Variants in CLNK observed in about 807,000 individuals in gnomAD.
CLNK encodes the protein cytokine-dependent hematopoietic cell linker.
Under a neutral mutation model 68.6 loss-of-function variants are expected in CLNK, and 74 were observed. The ratio of observed to expected loss-of-function variants is 1.08; its 90% CI spans 0.89 to 1.31. The LOEUF is 1.31. Ranked by LOEUF, CLNK falls within the 50% of genes most tolerant of loss-of-function variation. The probability of loss-of-function intolerance (pLI) is 0.00; values close to 1 mark genes in which losing one functional copy is unlikely to be tolerated. For missense variants in CLNK, 553 were observed against 515.3 expected (o/e 1.07, Z -0.71); for synonymous variants, 198 against 172.2 (o/e 1.15, Z -1.17).
chr4:10,625,992 G>A (rs757471483), intron 2 of CLNK, among the ~76,000 whole-genome samples: 27 of 152,210 alleles, frequency 1.8e-4, no homozygotes, highest in Non-Finnish European at 8.8e-5. Context: ...AGAAACATTC[G>A]TGTGTGGAAA....
At chr4:10,499,260 G>A (rs1477381444) in intron 18 of CLNK, among the ~76,000 whole-genome samples, 2 of 152,302 alleles carry the variant, frequency 1.3e-5, no homozygotes, top group East Asian at 1.9e-4. Flanking sequence ...CAGGACTTGT[G>A]TCAGGAATAA....
intron 10 of CLNK, 66 bp from the exon 11 acceptor site, chr4:10,540,670 A>G: frequency 9.3e-7 from 1 of 1,080,764 alleles, no homozygotes. Flanking sequence ...CAGGCCCTGA[A>G]TCCACACTGC....
chr4:10,616,000 C>G (rs1457246317), intron 2 of CLNK, among the ~76,000 whole-genome samples: 1 of 152,126 alleles, frequency 6.6e-6, no homozygotes, highest in African/African-American at 2.4e-5. Context: ...GAATTTTGCA[C>G]GCCAGTTGTT....
rs576808240 is a variant in CLNK, at chr4:10,569,219, A to G, written c.150+2522T>C. On this transcript the variant is annotated intron_variant, in intron 5 of 18. Coordinates refer to ENST00000226951, the MANE Select transcript of CLNK (RefSeq NM_052964.4). ...TTTTTTTTTTTTTGGTCATTTTTCC[A>G]TTCCTGAAATGGAGCCAGGAGACCA... is the stretch of plus-strand genomic sequence containing the variant. 2.7e-5 allele frequency among the ~76,000 whole-genome samples: 3 copies of G among 109,908 alleles called. No individual in the cohort carries two copies. In the South Asian group the frequency reaches 7.9e-4, roughly 29 times the overall value. The allele number at this position is 109,908 out of a possible 152,430, so 72.1% of individuals were successfully genotyped here. A position where few individuals can be genotyped will look rare whatever the true frequency, so the allele number is the denominator to read the frequency against.
At chr4:10,706,897 G>A in the CLNK span, among the ~76,000 whole-genome samples, 1 of 152,126 alleles carries the variant, frequency 6.6e-6, no homozygotes. Context: ...TGGCCGTGAT[G>A]GGAAGGGAAG....
At chr4:10,626,317 G>C (rs1348201880) in intron 2 of CLNK, among the ~76,000 whole-genome samples, 1 of 152,092 alleles carries the variant, frequency 6.6e-6, no homozygotes, top group Admixed American at 6.5e-5. Flanking sequence ...TCCCCTTTTT[G>C]TTTCTCATTC....
At chr4:10,588,757 A>C (rs77484369) in intron 3 of CLNK, among the ~76,000 whole-genome samples, 5,825 of 152,272 alleles carry the variant, frequency 0.038, 189 homozygotes, top group Non-Finnish European at 0.062. Flanking sequence ...TACTACTTTT[A>C]TGATACATCT....
intron 2 of CLNK, among the ~76,000 whole-genome samples, chr4:10,620,882 C>T (rs1030300267): frequency 1.5e-4 from 22 of 150,716 alleles, no homozygotes; most frequent in Non-Finnish European, 4.4e-5. Context: ...GCAGGCAGAT[C>T]ACAAGGTCAG....
intron 1 of CLNK, among the ~76,000 whole-genome samples, chr4:10,680,373 G>A (rs1421869870): frequency 7.7e-6 from 1 of 130,072 alleles, no homozygotes; most frequent in African/African-American, 2.8e-5. Flanking sequence ...GTGGTGGGTT[G>A]GGGGGAGGGG....
At chr4:10,589,472 A>T (rs1444949853) in intron 3 of CLNK, among the ~76,000 whole-genome samples, 1 of 152,140 alleles carries the variant, frequency 6.6e-6, no homozygotes, top group Non-Finnish European at 1.5e-5. Context: ...ATCCTCCGGG[A>T]TTATGCACCC....
At chr4:10,625,358 T>C (rs990214498) in intron 2 of CLNK, among the ~76,000 whole-genome samples, 2 of 152,188 alleles carry the variant, frequency 1.3e-5, no homozygotes, top group African/African-American at 4.8e-5. Context: ...GGGGAGGTTA[T>C]TTCAACAATT....
the CLNK span, among the ~76,000 whole-genome samples, chr4:10,707,875 G>C: frequency 6.6e-6 from 1 of 152,204 alleles, no homozygotes; most frequent in Non-Finnish European, 1.5e-5. Context: ...AGGTAAAGAG[G>C]CGATGATGCC....
intron 17 of CLNK, among the ~76,000 whole-genome samples, chr4:10,503,044 C>T (rs1717119874): frequency 6.6e-6 from 1 of 152,178 alleles, no homozygotes; most frequent in Non-Finnish European, 1.5e-5. Context: ...GAGCAGTCCT[C>T]CTGAACGTGA....
At chr4:10,511,974 A>C (rs184101862) in intron 16 of CLNK, among the ~76,000 whole-genome samples, 1 of 152,326 alleles carries the variant, frequency 6.6e-6, no homozygotes, top group African/African-American at 2.4e-5. Flanking sequence ...CACCTTAAAG[A>C]ATATTATTAA....
At chr4:10,555,669 T>C (rs1719641507) in intron 8 of CLNK, among the ~76,000 whole-genome samples, 1 of 152,248 alleles carries the variant, frequency 6.6e-6, no homozygotes, top group Admixed American at 6.5e-5. Context: ...CTCAACTTGA[T>C]GAAAAATATC....
chr4:10,726,103 C>A, the CLNK span, among the ~76,000 whole-genome samples: 1 of 152,106 alleles, frequency 6.6e-6, no homozygotes, highest in Admixed American at 6.5e-5. Flanking sequence ...GGGTTTCTGG[C>A]AATCTTTGAT....
chr4:10,580,256 T>A (rs1430050370), intron 4 of CLNK, among the ~76,000 whole-genome samples: 1 of 152,210 alleles, frequency 6.6e-6, no homozygotes, highest in Non-Finnish European at 1.5e-5. Flanking sequence ...GTAAACAAGC[T>A]CACTGTGCTG....
intron 14 of CLNK, among the ~76,000 whole-genome samples, chr4:10,521,062 C>T (rs1000162923): frequency 4.6e-5 from 7 of 152,288 alleles, no homozygotes; most frequent in African/African-American, 1.7e-4. Flanking sequence ...CATATAAGTT[C>T]TTCTCATGTC....
intron 11 of CLNK, among the ~76,000 whole-genome samples, chr4:10,534,721 A>T (rs1039805914): frequency 7.2e-5 from 11 of 152,200 alleles, no homozygotes; most frequent in Admixed American, 1.3e-4. Flanking sequence ...TTTTATCCTG[A>T]GATAAAATTA....
Sources: allele counts gnomAD v4.1 joint callset (sites outside exome capture counted in the v4.1 genomes callset), GRCh38; gene constraint gnomAD v4.1.1; transcripts MANE v1.5; gene names NCBI Gene and HGNC (gene_info 2026-07-23, HGNC 2026-07-21).